The following LINGO2 variants were observed in gnomAD, a reference collection of about 807,000 sequenced individuals.
LINGO2 encodes the protein leucine rich repeat and Ig domain containing 2, also known as leucine-rich repeat and immunoglobulin-like domain-containing nogo receptor-interacting protein 2.
In LINGO2, 14 loss-of-function variants were observed where a neutral mutation model predicts 30.6. The ratio of observed to expected loss-of-function variants is 0.46; its 90% CI spans 0.30 to 0.72. The LOEUF is 0.72. Among genes scored for constraint, LINGO2 ranks in the 30% least tolerant of loss-of-function variants. The pLI is 0.07. For synonymous variants in LINGO2, 317 were observed against 288.5 expected (o/e 1.10, Z -1.00); for missense variants, 729 against 751.7 (o/e 0.97, Z 0.35).
intron 4 of LINGO2, among the ~76,000 whole-genome samples, chr9:28,028,789 T>TC (rs1172073597): frequency 1.3e-5 from 2 of 152,170 alleles, no homozygotes; most frequent in African/African-American, 4.8e-5. Context: ...GTTGGTTGAA[T>TC]CCATGGATGA....
chr9:28,555,426 A>T (rs1406066686), intron 1 of LINGO2, among the ~76,000 whole-genome samples: 2 of 150,662 alleles, frequency 1.3e-5, no homozygotes, highest in South Asian at 4.2e-4. Flanking sequence ...TGACACATAC[A>T]CTCTCCCAAG....
chr9:28,949,051 G>C, the LINGO2 span, among the ~76,000 whole-genome samples: 1 of 152,028 alleles, frequency 6.6e-6, no homozygotes, highest in African/African-American at 2.4e-5. Context: ...TTCAACAGAA[G>C]CCAAGTAAGA....
the LINGO2 span, among the ~76,000 whole-genome samples, chr9:28,976,688 G>A: frequency 3.3e-5 from 5 of 151,896 alleles, no homozygotes; most frequent in African/African-American, 1.2e-4. Context: ...AGATATTGGT[G>A]TTAACTCATA....
chr9:28,211,769 G>C (rs193288815), intron 4 of LINGO2, among the ~76,000 whole-genome samples: 2 of 151,354 alleles, frequency 1.3e-5, no homozygotes, highest in African/African-American at 4.8e-5. Flanking sequence ...ATGAGCAAAT[G>C]CATATTCCTC....
intron 4 of LINGO2, among the ~76,000 whole-genome samples, chr9:28,243,934 A>G (rs1821904212): frequency 6.6e-6 from 1 of 152,216 alleles, no homozygotes; most frequent in Non-Finnish European, 1.5e-5. Flanking sequence ...GAAAATTAAC[A>G]AGGATATTCA....
chr9:29,111,661 C>CT, the LINGO2 span, among the ~76,000 whole-genome samples: 13 of 151,204 alleles, frequency 8.6e-5, no homozygotes, highest in Admixed American at 3.3e-4. Context: ...AGCTTATCAG[C>CT]TTTTTTTTGC....
rs531039745 is a variant in LINGO2, at chr9:28,581,147, A to G, written c.-365+89053T>C. Reference sequence around the variant, plus strand: ...ATTTTCTGGTAAGATCTTGTAATGAACTTTAGATGTTTTGCTATTTTGTTG... The same window carrying G: ...ATTTTCTGGTAAGATCTTGTAATGAGCTTTAGATGTTTTGCTATTTTGTTG... On this transcript the variant is annotated intron_variant, in intron 1 of 5. Transcript: ENST00000379992. Among the ~76,000 whole-genome samples, 287 of 152,058 alleles carry G rather than the reference A, an allele frequency of 1.9e-3. 2 individuals carry two copies. Among genetic ancestry groups the G allele is most frequent in the Non-Finnish European group, 2.3e-3 (154 of 67,926 alleles).
At chr9:29,172,831 A>G in the LINGO2 span, among the ~76,000 whole-genome samples, 1 of 151,988 alleles carries the variant, frequency 6.6e-6, no homozygotes, top group South Asian at 2.1e-4. Flanking sequence ...TGGCAATTAA[A>G]TTTGATATTC....
At chr9:29,066,378 C>T in the LINGO2 span, among the ~76,000 whole-genome samples, 1 of 152,032 alleles carries the variant, frequency 6.6e-6, no homozygotes, top group East Asian at 1.9e-4. Flanking sequence ...ATAACCAAGT[C>T]TTAATAATCT....
At chr9:28,792,081 G>T in the LINGO2 span, among the ~76,000 whole-genome samples, 1 of 150,990 alleles carries the variant, frequency 6.6e-6, no homozygotes, top group Non-Finnish European at 1.5e-5. Flanking sequence ...GTATATTTAT[G>T]TACAGGGAGA....
At chr9:29,189,106 C>T in the LINGO2 span, among the ~76,000 whole-genome samples, 2 of 77,882 alleles carry the variant, frequency 2.6e-5, 1 homozygote, top group African/African-American at 7.1e-5. Context: ...CCGACCGCCC[C>T]GCCTCCCTCC....
chr9:28,908,344 G>A, the LINGO2 span, among the ~76,000 whole-genome samples: 2 of 151,776 alleles, frequency 1.3e-5, no homozygotes, highest in Non-Finnish European at 2.9e-5. Flanking sequence ...TTATTTTATT[G>A]TAGTGGAAAT....
chr9:28,668,880 T>C (rs1166156217), intron 1 of LINGO2, among the ~76,000 whole-genome samples: 3 of 152,214 alleles, frequency 2.0e-5, no homozygotes, highest in Admixed American at 6.5e-5. Context: ...CCCTAATTCT[T>C]TTCACAAGAT....
At chr9:28,908,985 T>C in the LINGO2 span, among the ~76,000 whole-genome samples, 2 of 151,922 alleles carry the variant, frequency 1.3e-5, no homozygotes, top group Non-Finnish European at 2.9e-5. Context: ...TGCAATCCAA[T>C]TTGGGTTGCT....
At chr9:28,948,324 A>G in the LINGO2 span, among the ~76,000 whole-genome samples, 7 of 152,178 alleles carry the variant, frequency 4.6e-5, no homozygotes, top group African/African-American at 1.4e-4. Flanking sequence ...AAAAACCATA[A>G]TACAATAATG....
intron 4 of LINGO2, among the ~76,000 whole-genome samples, chr9:28,253,293 A>G (rs905411836): frequency 2.6e-5 from 4 of 152,130 alleles, no homozygotes; most frequent in Admixed American, 6.6e-5. Context: ...ATCAACAAGC[A>G]TTTATTGACC....
chr9:28,261,566 T>C (rs1822564324), intron 4 of LINGO2, among the ~76,000 whole-genome samples: 1 of 151,908 alleles, frequency 6.6e-6, no homozygotes, highest in South Asian at 2.1e-4. Context: ...CCTAATAAGA[T>C]ACCTTTAGAT....
At chr9:28,924,482 A>G in the LINGO2 span, among the ~76,000 whole-genome samples, 4 of 152,108 alleles carry the variant, frequency 2.6e-5, no homozygotes, top group Non-Finnish European at 5.9e-5. Context: ...CAGTCTCCCA[A>G]ATTGCTGGGA....
At chr9:28,119,091 A>T (rs972663631) in intron 4 of LINGO2, among the ~76,000 whole-genome samples, 1 of 152,188 alleles carries the variant, frequency 6.6e-6, no homozygotes, top group African/African-American at 2.4e-5. Context: ...GAAGCTCACT[A>T]CTTCTCTTAG....
Sources: gnomAD v4.1 joint callset for allele counts (sites outside exome capture counted in the v4.1 genomes callset) on GRCh38, gnomAD v4.1.1 for gene constraint, MANE v1.5 for transcripts, NCBI Gene and HGNC (gene_info 2026-07-23, HGNC 2026-07-21) for gene names.